KAT7: variants seen among roughly 807,000 people sequenced by gnomAD.
KAT7 encodes lysine acetyltransferase 7, also known as histone acetyltransferase KAT7.
KAT7 carries 10 observed loss-of-function variants against 82.1 expected under a neutral mutation model. That is an observed-to-expected ratio of 0.12 (90% CI 0.08 to 0.21). The LOEUF (loss-of-function observed/expected upper bound fraction) is 0.21, where lower values mean the gene tolerates loss of function less well. KAT7 is among the 10% of genes least tolerant of loss of function. The pLI is 1.00. For synonymous variants in KAT7, 250 were observed against 262.5 expected, an observed-to-expected ratio of 0.95 and a Z score of 0.46; for missense variants, 378 against 760.9, an observed-to-expected ratio of 0.50 and a Z score of 5.92.
At chr17:49,823,754 A>G (rs1055878098) in intron 12 of KAT7, 1 of 154,690 alleles carries the variant, frequency 6.5e-6, no homozygotes, top group Non-Finnish European at 1.4e-5. Context: ...TGTAACCCCA[A>G]AATCAATCTT....
intron 2 of KAT7, among the ~76,000 whole-genome samples, chr17:49,792,601 GTAACTCCCAGTCAGCCA>G (rs1323729020): frequency 6.6e-6 from 1 of 152,112 alleles, no homozygotes; most frequent in Non-Finnish European, 1.5e-5. Flanking sequence ...TCAGTGAGCC[GTAACTCCCAGTCAGCCA>G]TTTGATCATG....
At chr17:49,790,918 G>A (rs2073879517) in intron 1 of KAT7, among the ~76,000 whole-genome samples, 1 of 152,164 alleles carries the variant, frequency 6.6e-6, no homozygotes, top group Non-Finnish European at 1.5e-5. Context: ...AGGGTATAGT[G>A]TTAGTGCTTA....
At chr17:49,796,093 G>A (rs1309693578) in intron 2 of KAT7, among the ~76,000 whole-genome samples, 1 of 152,100 alleles carries the variant, frequency 6.6e-6, no homozygotes, top group African/African-American at 2.4e-5. Context: ...AGATATAAAA[G>A]GGCTGCTGAG....
At chr17:49,817,690 C>T in intron 8 of KAT7, 130 bp from the exon 9 acceptor site, 1 of 655,364 alleles carries the variant, frequency 1.5e-6, no homozygotes, top group Non-Finnish European at 2.7e-6. Flanking sequence ...TGGTCTCGAA[C>T]TCCTGGCCTT....
At chr17:49,815,958 C>T (rs746537771) in intron 8 of KAT7, 45 bp downstream of exon 8, 10 of 1,125,430 alleles carry the variant, frequency 8.9e-6, no homozygotes, top group Non-Finnish European at 1.3e-5. Flanking sequence ...GTGAAAGGTG[C>T]TTAGAGTTGC....
At chr17:49,798,650 C>A in intron 4 of KAT7, 92 bp downstream of exon 4, 1 of 1,344,246 alleles carries the variant, frequency 7.4e-7, no homozygotes, top group Non-Finnish European at 1.0e-6. Context: ...TGGGATTTAG[C>A]TTCTTAGGCT....
At chr17:49,820,102 TG>T (rs1402059230) in intron 9 of KAT7, among the ~76,000 whole-genome samples, 4 of 152,166 alleles carry the variant, frequency 2.6e-5, no homozygotes, top group Non-Finnish European at 5.9e-5. Context: ...AAAACCCTTT[TG>T]AAAAATTAAC....
chr17:49,815,307 C>T (rs1175732599), intron 7 of KAT7: 1 of 152,456 alleles, frequency 6.6e-6, no homozygotes, highest in African/African-American at 2.4e-5. Flanking sequence ...ATCCAGCTGC[C>T]CCTGCCCCTC....
Position 49,798,301 on chromosome 17 carries a change from C to G in KAT7, c.341-18C>G, listed in dbSNP as rs1465875396. Reference sequence around the variant, plus strand: ...AATGAACTCCACTCATAACTTCTACCAATTGCTTTTGCTTTAGAAACTAAA... The same window carrying G: ...AATGAACTCCACTCATAACTTCTACGAATTGCTTTTGCTTTAGAAACTAAA... On this transcript the variant is annotated intron_variant, in intron 3 of 14. Transcript: ENST00000259021. 1 of 1,610,192 alleles carries G rather than the reference C, an allele frequency of 6.2e-7. No homozygotes were observed. The highest frequency in any genetic ancestry group is 8.5e-7 in the Non-Finnish European group (1 of 1,176,750).
intron 7 of KAT7, among the ~76,000 whole-genome samples, chr17:49,813,682 A>G (rs956768740): frequency 1.3e-5 from 2 of 152,192 alleles, no homozygotes; most frequent in African/African-American, 4.8e-5. Context: ...TTTACATGGC[A>G]TTGACATCAC....
chr17:49,824,669 T>C (rs917181703), intron 12 of KAT7: 3 of 152,216 alleles, frequency 2.0e-5, no homozygotes, highest in African/African-American at 7.2e-5. Flanking sequence ...CCACCTTCTT[T>C]CATTTTTAAG....
Position 49,821,630 on chromosome 17 carries a change from C to T in KAT7, c.1246-20C>T. ...TAGGAATCAGTGGCCCACACATGAA[C>T]TCTGTTTCTCTGCTTCCAGATCTAC... is the stretch of plus-strand genomic sequence containing the variant. On this transcript the variant is annotated intron_variant, in intron 10 of 14. Transcript: ENST00000259021. 1.9e-6 allele frequency: 3 copies of T among 1,612,414 alleles called. No individual in the cohort carries two copies. The highest frequency in any genetic ancestry group is 1.1e-5 in the South Asian group (1 of 91,004).
chr17:49,795,888 A>G (rs779405495), intron 2 of KAT7, among the ~76,000 whole-genome samples: 3 of 152,160 alleles, frequency 2.0e-5, no homozygotes, highest in Non-Finnish European at 4.4e-5. Context: ...ATTGGTCTGT[A>G]CTGCATGGTT....
intron 4 of KAT7, among the ~76,000 whole-genome samples, chr17:49,802,620 T>A (rs1459962364): frequency 6.6e-6 from 1 of 151,570 alleles, no homozygotes; most frequent in East Asian, 1.9e-4. Flanking sequence ...TGAGCTGAGA[T>A]TGGCCATTGC....
chr17:49,813,925 A>C (rs573380481), intron 7 of KAT7, among the ~76,000 whole-genome samples: 1 of 150,366 alleles, frequency 6.7e-6, no homozygotes, highest in African/African-American at 2.4e-5. Context: ...TCTGTCACCC[A>C]GGCTGGAGTG....
At chr17:49,826,270 A>C in intron 13 of KAT7, 124 bp downstream of exon 13, 1 of 920,400 alleles carries the variant, frequency 1.1e-6, no homozygotes, top group Non-Finnish European at 1.6e-6. Context: ...GGAGACCCTC[A>C]CTAAAGCTGC....
intron 7 of KAT7, among the ~76,000 whole-genome samples, chr17:49,812,195 G>A (rs2074174648): frequency 6.9e-6 from 1 of 145,812 alleles, no homozygotes; most frequent in African/African-American, 2.5e-5. Flanking sequence ...CCTTCTTACT[G>A]TATGTAGCAC....
Position 49,790,648 on chromosome 17 carries a change from A to G in KAT7, c.16-1238A>G, listed in dbSNP as rs537337392. Reference sequence around the variant, plus strand: ...CCTGTTTGGCGGCAAACCTGTCTTAATCTGTCCTGAGGCTACTTATGGTTT... The same window carrying G: ...CCTGTTTGGCGGCAAACCTGTCTTAGTCTGTCCTGAGGCTACTTATGGTTT... On this transcript the variant is annotated intron_variant, in intron 1 of 14. Coordinates refer to ENST00000259021, the MANE Select transcript of KAT7 (RefSeq NM_007067.5). 2.0e-5 allele frequency among the ~76,000 whole-genome samples: 3 copies of G among 152,268 alleles called. No individual in the cohort carries two copies. The South Asian group carries it at 6.2e-4, about 32-fold the overall frequency.
chr17:49,804,113 C>G lies in KAT7; in HGVS notation c.581-1250C>G, dbSNP rs577079240. Among the ~76,000 whole-genome samples the G allele has an allele frequency of 1.5e-3, 235 of 152,314 alleles. 1 individual carries two copies. Among genetic ancestry groups the G allele is most frequent in the African/African-American group, 5.6e-3 (232 of 41,590 alleles). On this transcript the variant is annotated intron_variant, in intron 4 of 14. Coordinates refer to ENST00000259021, the MANE Select transcript of KAT7 (RefSeq NM_007067.5). Reference sequence around the variant, plus strand: ...TAGATGAATGGGCCGGGCGCGGTGGCTCACGCCTGTAATCCCAGCACTTTG... The same window carrying G: ...TAGATGAATGGGCCGGGCGCGGTGGGTCACGCCTGTAATCCCAGCACTTTG...
Sources: allele counts gnomAD v4.1 joint callset (sites outside exome capture counted in the v4.1 genomes callset), GRCh38; gene constraint gnomAD v4.1.1; transcripts MANE v1.5; gene names NCBI Gene and HGNC (gene_info 2026-07-23, HGNC 2026-07-21).